SNAP29: variants seen among roughly 807,000 people sequenced by gnomAD.
SNAP29 encodes the protein synaptosome associated protein 29, also known as synaptosomal-associated protein 29.
A neutral mutation model predicts 27.9 loss-of-function variants in SNAP29; 13 were observed. The ratio of observed to expected loss-of-function variants is 0.47; its 90% CI spans 0.30 to 0.74. SNAP29 has a LOEUF of 0.74. SNAP29 is among the 30% of genes least tolerant of loss of function. The pLI, the probability that SNAP29 is intolerant of heterozygous loss-of-function variation, is 0.06. For missense variants in SNAP29, 368 were observed against 336.5 expected (o/e 1.09, Z -0.73); for synonymous variants, 119 against 127.1 (o/e 0.94, Z 0.43).
intron 2 of SNAP29, among the ~76,000 whole-genome samples, chr22:20,874,168 G>T (rs1246243538): frequency 6.8e-6 from 1 of 147,042 alleles, no homozygotes; most frequent in African/African-American, 2.5e-5. Flanking sequence ...CCAGCTACTC[G>T]GGAGGGTGAG....
intron 1 of SNAP29, among the ~76,000 whole-genome samples, chr22:20,859,842 C>T (rs1928203178): frequency 6.6e-6 from 1 of 152,170 alleles, no homozygotes; most frequent in African/African-American, 2.4e-5. Context: ...CTTCCCGCAT[C>T]ATTGACATCT....
intron 2 of SNAP29, among the ~76,000 whole-genome samples, chr22:20,872,820 C>CGTT (rs1319405165): frequency 5.0e-5 from 2 of 39,866 alleles, no homozygotes; most frequent in Admixed American, 8.3e-4. Context: ...CCACGCCAGG[C>CGTT]TTTTTTTTTT....
intron 1 of SNAP29, among the ~76,000 whole-genome samples, chr22:20,869,301 G>A (rs529365751): frequency 6.6e-6 from 1 of 152,266 alleles, no homozygotes; most frequent in East Asian, 1.9e-4. Flanking sequence ...GTGGTTGGAA[G>A]AAGGAATTCT....
At chr22:20,870,557 G>T in intron 2 of SNAP29, 24 bp downstream of exon 2, 1 of 1,607,420 alleles carries the variant, frequency 6.2e-7, no homozygotes, top group South Asian at 1.1e-5. Context: ...CTACCATCTG[G>T]GTATAAAGGA....
chr22:20,877,982 C>A (rs983999532), intron 2 of SNAP29, among the ~76,000 whole-genome samples: 1 of 152,124 alleles, frequency 6.6e-6, no homozygotes, highest in Non-Finnish European at 1.5e-5. Flanking sequence ...TCACAGCTTC[C>A]GTGGGGTGAA....
At chr22:20,859,614 G>C in intron 1 of SNAP29, 1 of 526,664 alleles carries the variant, frequency 1.9e-6, no homozygotes, top group Non-Finnish European at 3.4e-6. Flanking sequence ...TAGCTCACGG[G>C]GAAACGCCAG....
At position 20,887,987 on chromosome 22, in the gene SNAP29, A is replaced by T. The variant is rs1002763606; in HGVS notation, c.*151A>T. ...TAGGTCTTAAGACATTTTTGCTGTTATAAGGAAGTGTTTGTCCCACATTTT... is the reference window on the plus strand; with the variant it reads ...TAGGTCTTAAGACATTTTTGCTGTTTTAAGGAAGTGTTTGTCCCACATTTT... On this transcript the variant is annotated 3_prime_UTR_variant, in exon 5 of 5. Coordinates refer to ENST00000215730, the MANE Select transcript of SNAP29 (RefSeq NM_004782.4). 10 of 786,206 alleles carry T rather than the reference A, an allele frequency of 1.3e-5. No homozygotes were observed. The highest frequency in any genetic ancestry group is 1.7e-5 in the African/African-American group (1 of 57,838). The allele number at this position is 786,206 out of a possible 1,614,324, so 48.7% of individuals were successfully genotyped here.
At chr22:20,877,214 T>A (rs1352918777) in intron 2 of SNAP29, among the ~76,000 whole-genome samples, 1 of 151,814 alleles carries the variant, frequency 6.6e-6, no homozygotes, top group Non-Finnish European at 1.5e-5. Context: ...CAAAGTCAGG[T>A]GTTCAAGACC....
At chr22:20,865,531 A>G (rs1185223289) in intron 1 of SNAP29, among the ~76,000 whole-genome samples, 1 of 152,094 alleles carries the variant, frequency 6.6e-6, no homozygotes, top group Non-Finnish European at 1.5e-5. Flanking sequence ...ACCAGGAAAC[A>G]TGCTGTGACA....
intron 4 of SNAP29, among the ~76,000 whole-genome samples, chr22:20,887,311 G>A (rs1481753936): frequency 6.6e-6 from 1 of 151,598 alleles, no homozygotes; most frequent in Non-Finnish European, 1.5e-5. Flanking sequence ...TTTTCTCTTA[G>A]TGTTTTATAT....
At chr22:20,877,295 G>A (rs1023845264) in intron 2 of SNAP29, among the ~76,000 whole-genome samples, 3 of 152,062 alleles carry the variant, frequency 2.0e-5, no homozygotes, top group Non-Finnish European at 4.4e-5. Context: ...GGTGGCTCAC[G>A]CCTGTAATCC....
intron 2 of SNAP29, among the ~76,000 whole-genome samples, chr22:20,873,039 A>G (rs1320988891): frequency 6.6e-6 from 1 of 151,294 alleles, no homozygotes; most frequent in Non-Finnish European, 1.5e-5. Flanking sequence ...CATGTTGGCC[A>G]GGATAGTCTC....
At chr22:20,873,733 C>T (rs1455179825) in intron 2 of SNAP29, among the ~76,000 whole-genome samples, 12 of 151,360 alleles carry the variant, frequency 7.9e-5, no homozygotes, top group African/African-American at 1.5e-4. Flanking sequence ...TTTGGGAGGC[C>T]GAGGCGGGTG....
chr22:20,867,778 G>A (rs1190373987), intron 1 of SNAP29, among the ~76,000 whole-genome samples: 2 of 152,226 alleles, frequency 1.3e-5, no homozygotes, highest in Non-Finnish European at 2.9e-5. Context: ...GAGTTTGAGA[G>A]AATGTGTCTC....
intron 2 of SNAP29, among the ~76,000 whole-genome samples, chr22:20,879,544 G>GA (rs1928838663): frequency 1.3e-5 from 2 of 150,020 alleles, no homozygotes; most frequent in South Asian, 2.1e-4. Flanking sequence ...GTCTCAAAAA[G>GA]AAAAAACAAT....
rs775843099 is a variant in SNAP29, at chr22:20,859,087, C to T, written c.-24C>T. The T allele has an allele frequency of 7.0e-6, 11 of 1,570,380 alleles. No homozygotes were observed. Among genetic ancestry groups the T allele is most frequent in the Non-Finnish European group, 8.7e-7 (1 of 1,147,370 alleles). On this transcript the variant is annotated 5_prime_UTR_variant, in exon 1 of 5. Coordinates refer to ENST00000215730, the MANE Select transcript of SNAP29 (RefSeq NM_004782.4). ...CAGTGGGGCTCCTCCTTCTGTTTCCCAGACCGAGAGCCGCGCCGGCACCAT... is the reference window on the plus strand; with the variant it reads ...CAGTGGGGCTCCTCCTTCTGTTTCCTAGACCGAGAGCCGCGCCGGCACCAT...
intron 2 of SNAP29, among the ~76,000 whole-genome samples, chr22:20,873,282 A>T (rs1197018578): frequency 6.6e-6 from 1 of 151,930 alleles, no homozygotes; most frequent in South Asian, 2.1e-4. Context: ...AAGTGCTAGG[A>T]TTACAGGCAT....
At chr22:20,863,199 T>C (rs1378454086) in intron 1 of SNAP29, among the ~76,000 whole-genome samples, 1 of 152,200 alleles carries the variant, frequency 6.6e-6, no homozygotes, top group African/African-American at 2.4e-5. Flanking sequence ...TAATCACTCT[T>C]TCATTCCCTT....
chr22:20,859,019 AC>A lies in SNAP29; in HGVS notation c.-90del. 7.3e-7 allele frequency: 1 copy of A among 1,376,094 alleles called. No homozygotes were observed. The allele number at this position is 1,376,094 out of a possible 1,614,324, so 85.2% of individuals were successfully genotyped here. The stretch of plus-strand genomic sequence containing the variant: ...ACGCGCGGAAGGAGTTCGCGCGACG[AC>A]CGCGGGGTCGGCGGGCGGGGCGAGG... On this transcript the variant is annotated 5_prime_UTR_variant, in exon 1 of 5. Transcript: ENST00000215730.
Sources: allele counts gnomAD v4.1 joint callset (sites outside exome capture counted in the v4.1 genomes callset), GRCh38; gene constraint gnomAD v4.1.1; transcripts MANE v1.5; gene names NCBI Gene and HGNC (gene_info 2026-07-23, HGNC 2026-07-21).